Variants in SV2C observed in about 807,000 individuals in gnomAD.
SV2C encodes the protein synaptic vesicle glycoprotein 2C.
Under a neutral mutation model 79.7 loss-of-function variants are expected in SV2C, and 49 were observed. The ratio of observed to expected loss-of-function variants is 0.61; its 90% confidence interval spans 0.49 to 0.78. The LOEUF is 0.78. Among genes scored for constraint, SV2C ranks in the 30% least tolerant of loss-of-function variants. The pLI, the probability that SV2C is intolerant of heterozygous loss-of-function variation, is 0.00. For synonymous variants in SV2C, 334 were observed against 333.2 expected, an observed-to-expected ratio of 1.00 and a Z score of -0.03; for missense variants, 833 against 912.9, an observed-to-expected ratio of 0.91 and a Z score of 1.13.
At chr5:76,301,129 T>G (rs559268008) in intron 11 of SV2C, among the ~76,000 whole-genome samples, 197 bp downstream of exon 11, 1 of 152,330 alleles carries the variant, frequency 6.6e-6, no homozygotes, top group African/African-American at 2.4e-5. Context: ...GTTAACAGAC[T>G]GAAAAACTAT....
At chr5:76,284,972 T>G (rs769233219) in intron 4 of SV2C, among the ~76,000 whole-genome samples, 190 bp from the exon 5 acceptor site, 6 of 152,338 alleles carry the variant, frequency 3.9e-5, no homozygotes, top group Admixed American at 1.3e-4. Context: ...TCCAAGCACC[T>G]TTCTTCTCAG....
intron 4 of SV2C, among the ~76,000 whole-genome samples, chr5:76,273,003 T>C (rs1490097361): frequency 2.0e-5 from 3 of 151,798 alleles, no homozygotes; most frequent in Non-Finnish European, 4.4e-5. Flanking sequence ...GATAATAACA[T>C]GAATATATAC....
chr5:76,157,852 T>C (rs1239608267), intron 2 of SV2C, among the ~76,000 whole-genome samples: 1 of 151,814 alleles, frequency 6.6e-6, no homozygotes. Flanking sequence ...GAATGTACTA[T>C]TGGGCTTATA....
chr5:76,119,168 G>A (rs533770695), intron 1 of SV2C, among the ~76,000 whole-genome samples: 2 of 152,228 alleles, frequency 1.3e-5, no homozygotes, highest in African/African-American at 4.8e-5. Context: ...GGAAAAAAAT[G>A]GTAGAAGAAT....
chr5:75,943,616 A>G, the SV2C span, among the ~76,000 whole-genome samples: 1 of 152,174 alleles, frequency 6.6e-6, no homozygotes, highest in African/African-American at 2.4e-5. Flanking sequence ...TGCTATGCTA[A>G]ATTTTGAAAC....
chr5:76,156,876 G>C (rs907357120), intron 2 of SV2C, among the ~76,000 whole-genome samples: 14 of 151,868 alleles, frequency 9.2e-5, no homozygotes, highest in South Asian at 6.2e-4. Flanking sequence ...AAGCTGAAGA[G>C]AGAAAAAAAT....
At chr5:76,197,784 A>G (rs1383332397) in intron 3 of SV2C, among the ~76,000 whole-genome samples, 1 of 139,512 alleles carries the variant, frequency 7.2e-6, no homozygotes, top group African/African-American at 2.7e-5. Context: ...ATGGAGGCTG[A>G]GGAGTCCCAT....
intron 8 of SV2C, among the ~76,000 whole-genome samples, chr5:76,294,334 G>A (rs550397257): frequency 3.8e-4 from 45 of 119,590 alleles, no homozygotes; most frequent in East Asian, 1.2e-3. Flanking sequence ...ATGGAGTCTC[G>A]CTCTTTTGCC....
At chr5:76,042,484 T>C in the SV2C span, among the ~76,000 whole-genome samples, 9 of 152,342 alleles carry the variant, frequency 5.9e-5, no homozygotes, top group Admixed American at 5.2e-4. Flanking sequence ...AAAACTATTT[T>C]TAAGGAGGTC....
the SV2C span, among the ~76,000 whole-genome samples, chr5:75,904,531 T>C: frequency 3.3e-5 from 5 of 152,104 alleles, no homozygotes; most frequent in Non-Finnish European, 7.4e-5. Context: ...GGGCTGCCCC[T>C]GTCCAGAGCG....
chr5:75,990,034 G>A, the SV2C span, among the ~76,000 whole-genome samples: 4 of 151,214 alleles, frequency 2.6e-5, no homozygotes, highest in East Asian at 7.8e-4. Flanking sequence ...TGAATATCAG[G>A]CCTTTGTCAG....
chr5:76,114,311 A>G (rs1257833410), intron 1 of SV2C, among the ~76,000 whole-genome samples: 1 of 152,196 alleles, frequency 6.6e-6, no homozygotes, highest in Non-Finnish European at 1.5e-5. Flanking sequence ...GAAGGGCTGA[A>G]TAAACAAAGG....
chr5:76,069,839 C>T, the SV2C span, among the ~76,000 whole-genome samples: 10 of 138,158 alleles, frequency 7.2e-5, no homozygotes, highest in South Asian at 1.4e-3. Context: ...CTCTCTCACA[C>T]ACACACATAC....
intron 12 of SV2C, among the ~76,000 whole-genome samples, chr5:76,322,237 T>A (rs550170101): frequency 4.6e-5 from 7 of 152,076 alleles, no homozygotes; most frequent in Non-Finnish European, 1.0e-4. Context: ...TTCCTTTACA[T>A]CAACAATAGA....
chr5:75,933,867 A>G, the SV2C span, among the ~76,000 whole-genome samples: 1 of 152,176 alleles, frequency 6.6e-6, no homozygotes, highest in Admixed American at 6.5e-5. Context: ...GCTTCAGGAA[A>G]GGCTCCTCGT....
chr5:76,168,145 G>A (rs2112263314), intron 2 of SV2C, among the ~76,000 whole-genome samples: 1 of 152,068 alleles, frequency 6.6e-6, no homozygotes, highest in African/African-American at 2.4e-5. Context: ...TCTAGATAGA[G>A]TCAAGGTCCA....
At chr5:76,245,676 A>G (rs1745922418) in intron 4 of SV2C, among the ~76,000 whole-genome samples, 1 of 152,182 alleles carries the variant, frequency 6.6e-6, no homozygotes, top group African/African-American at 2.4e-5. Context: ...TGCAGTCTCC[A>G]CCAATGACAG....
chr5:76,004,942 C>T, the SV2C span, among the ~76,000 whole-genome samples: 3 of 152,138 alleles, frequency 2.0e-5, no homozygotes, highest in Non-Finnish European at 4.4e-5. Context: ...TGACTTGGGG[C>T]ATACCTTGTC....
In SV2C at chr5:76,195,038, C is replaced by A; in HGVS notation, c.700C>A (p.Leu234Ile). Residue 234 changes from leucine to isoleucine, a missense_variant, in exon 3 of 13, where the codon CTT becomes ATT. Leu to Ile is a conservative substitution (Grantham distance 5). Transcript: ENST00000502798. ...CMSVNGFFAF[L>I]SSFVQGYGFF... is the part of the protein sequence containing the mutation. ...GTCTGTCAACGGATTCTTTGCCTTC[C>A]TTTCTTCATTTGTCCAAGGTTATGG... 1 of 1,614,100 alleles carries A rather than the reference C, an allele frequency of 6.2e-7. No individual in the cohort carries two copies. The highest frequency in any genetic ancestry group is 1.3e-5 in the African/African-American group (1 of 75,026).
Sources: allele counts gnomAD v4.1 joint callset (sites outside exome capture counted in the v4.1 genomes callset), GRCh38; gene constraint gnomAD v4.1.1; transcripts MANE v1.5; gene names NCBI Gene and HGNC (gene_info 2026-07-23, HGNC 2026-07-21).